FBXO33: variants seen among roughly 807,000 people sequenced by gnomAD.
FBXO33 encodes the protein F-box only protein 33.
Under a neutral mutation model 46.3 loss-of-function variants are expected in FBXO33, and 22 were observed. The observed-to-expected ratio is 0.48, with a 90% CI of 0.34 to 0.68. The LOEUF (loss-of-function observed/expected upper bound fraction) is 0.68. Ranked by LOEUF, FBXO33 falls within the 30% of genes least tolerant of loss-of-function variation. The pLI is 0.01. For missense variants in FBXO33, 692 were observed against 708.8 expected, an observed-to-expected ratio of 0.98 and a Z score of 0.27; for synonymous variants, 337 against 291.3, an observed-to-expected ratio of 1.16 and a Z score of -1.60.
At position 39,398,144 on chromosome 14, in the gene FBXO33, C is replaced by T. The variant is rs1436535994; in HGVS notation, c.*1372G>A. The T allele has an allele frequency of 1.3e-5, 2 of 152,692 alleles. No homozygotes were observed. Among genetic ancestry groups the T allele is most frequent in the Non-Finnish European group, 2.9e-5 (2 of 68,056 alleles). The allele number at this position is 152,692 out of a possible 1,614,324, so 9.5% of individuals were successfully genotyped here. ...AAAGCTTACAATAGAGCAGCCAGGT[C>T]TCAGCACTGCTGGGCACCCAGGTTG... On this transcript the variant is annotated 3_prime_UTR_variant, in exon 4 of 4. Coordinates refer to ENST00000298097, the MANE Select transcript of FBXO33 (RefSeq NM_203301.4).
chr14:39,415,271 C>T (rs886494340), intron 1 of FBXO33, among the ~76,000 whole-genome samples: 4 of 152,030 alleles, frequency 2.6e-5, no homozygotes, highest in Admixed American at 6.6e-5. Flanking sequence ...CACTCCACCC[C>T]GGGTGTCAGA....
intron 1 of FBXO33, among the ~76,000 whole-genome samples, chr14:39,426,954 A>C (rs1042507025): frequency 2.0e-5 from 3 of 152,216 alleles, no homozygotes; most frequent in Non-Finnish European, 4.4e-5. Context: ...CTCCGTGAGA[A>C]CGGGAAGCAT....
Position 39,397,899 on chromosome 14 carries a change from A to T in FBXO33, c.*1617T>A, listed in dbSNP as rs1156250578. On this transcript the variant is annotated 3_prime_UTR_variant, in exon 4 of 4. Coordinates refer to ENST00000298097, the MANE Select transcript of FBXO33 (RefSeq NM_203301.4). ...TATCTGATCACATTTATAAGATAAA[A>T]TCTCACCACATCTGGCATTTACACA... 2.6e-5 allele frequency: 4 copies of T among 152,542 alleles called. No homozygotes were observed. Among genetic ancestry groups the T allele is most frequent in the African/African-American group, 9.7e-5 (4 of 41,410 alleles). 9.4% of individuals were successfully genotyped at this position (152,542 alleles called of 1,614,324 possible).
intron 1 of FBXO33, among the ~76,000 whole-genome samples, chr14:39,421,693 T>G (rs1411656094): frequency 6.6e-6 from 1 of 152,060 alleles, no homozygotes; most frequent in African/African-American, 2.4e-5. Flanking sequence ...GCTGTACAAG[T>G]GCTTGGTGAT....
At chr14:39,411,426 T>C (rs967976075) in intron 1 of FBXO33, among the ~76,000 whole-genome samples, 1 of 152,080 alleles carries the variant, frequency 6.6e-6, no homozygotes, top group African/African-American at 2.4e-5. Context: ...CATTTTTTGC[T>C]ATAAATTTTC....
In FBXO33 at chr14:39,431,550, C is replaced by A; in HGVS notation, c.599+14G>T. 6.2e-7 allele frequency: 1 copy of A among 1,609,630 alleles called. No homozygotes were observed. The highest frequency in any genetic ancestry group is 1.1e-5 in the South Asian group (1 of 91,070). ...CCCCGTTACCGGGCGGGGCGGGGCT[C>A]AGGGCAAGCCTACCTGTTGTTCCGG... On this transcript the variant is annotated intron_variant, in intron 1 of 3. Transcript: ENST00000298097.
In FBXO33 at chr14:39,432,407, G is replaced by C. The variant is rs1595991598; in HGVS notation, c.-245C>G. On this transcript the variant is annotated 5_prime_UTR_variant, in exon 1 of 4. Coordinates refer to ENST00000298097, the MANE Select transcript of FBXO33 (RefSeq NM_203301.4). ...GTAAGGAAAAGGCAGCCCTCCCTGC[G>C]CCGGTCGGCAGAGACAGAGAAGTGG... is the stretch of plus-strand genomic sequence containing the variant. The C allele has an allele frequency of 8.1e-6, 2 of 245,780 alleles. No individual in the cohort carries two copies. Among genetic ancestry groups the C allele is most frequent in the Non-Finnish European group, 1.5e-5 (2 of 129,598 alleles). The allele number at this position is 245,780 out of a possible 1,614,324, so 15.2% of individuals were successfully genotyped here.
chr14:39,415,002 G>T (rs1231147023), intron 1 of FBXO33, among the ~76,000 whole-genome samples: 1 of 152,152 alleles, frequency 6.6e-6, no homozygotes, highest in Non-Finnish European at 1.5e-5. Context: ...GGCAAGAAAT[G>T]GGGGAAGGGC....
intron 1 of FBXO33, among the ~76,000 whole-genome samples, chr14:39,430,636 A>C (rs1390354226): frequency 6.6e-6 from 1 of 152,298 alleles, no homozygotes; most frequent in East Asian, 1.9e-4. Context: ...AAACTGCTGA[A>C]GTATTTTTAC....
At chr14:39,431,181 G>T (rs1029123432) in intron 1 of FBXO33, among the ~76,000 whole-genome samples, 1 of 152,070 alleles carries the variant, frequency 6.6e-6, no homozygotes, top group Admixed American at 6.5e-5. Flanking sequence ...TCAGAAAATC[G>T]TGTTATGTGT....
In FBXO33 at chr14:39,397,968, C is replaced by T. The variant is rs1017031617; in HGVS notation, c.*1548G>A. On this transcript the variant is annotated 3_prime_UTR_variant, in exon 4 of 4. Coordinates refer to ENST00000298097, the MANE Select transcript of FBXO33 (RefSeq NM_203301.4). ...ACACTACTGATGTACATATAAAATC[C>T]GCATGGTATGTGCTCACTGGAGACA... 26 of 152,552 alleles carry T rather than the reference C, an allele frequency of 1.7e-4. No individual in the cohort carries two copies. Among genetic ancestry groups the T allele is most frequent in the African/African-American group, 5.1e-4 (21 of 41,414 alleles). The allele number at this position is 152,552 out of a possible 1,614,324, so 9.4% of individuals were successfully genotyped here. A position where few individuals can be genotyped will look rare whatever the true frequency, so the allele number is the denominator to read the frequency against.
At chr14:39,423,343 C>G (rs1373711780) in intron 1 of FBXO33, among the ~76,000 whole-genome samples, 1 of 152,084 alleles carries the variant, frequency 6.6e-6, no homozygotes, top group Non-Finnish European at 1.5e-5. Flanking sequence ...AATGGACAAC[C>G]CGTTTTGAAA....
chr14:39,398,865 T>TA lies in FBXO33; in HGVS notation c.*650dup, dbSNP rs1243238769. 2 of 152,412 alleles carry TA rather than the reference T, an allele frequency of 1.3e-5. No homozygotes were observed. The highest frequency in any genetic ancestry group is 3.9e-4 in the East Asian group (2 of 5,194). The allele number at this position is 152,412 out of a possible 1,614,324, so 9.4% of individuals were successfully genotyped here. A position where few individuals can be genotyped will look rare whatever the true frequency, so the allele number is the denominator to read the frequency against. On this transcript the variant is annotated 3_prime_UTR_variant, in exon 4 of 4. Transcript: ENST00000298097. ...TGAATAAAATTATGTCAGATATAGT[T>TA]AAAAAATCCAACAATTTCAGTATTC...
intron 1 of FBXO33, among the ~76,000 whole-genome samples, chr14:39,405,522 A>T (rs565856276): frequency 6.6e-6 from 1 of 152,276 alleles, no homozygotes; most frequent in East Asian, 1.9e-4. Context: ...ATGGTGGTGA[A>T]GTAAACAATG....
intron 1 of FBXO33, among the ~76,000 whole-genome samples, chr14:39,415,401 G>A (rs7152341): frequency 0.27 from 40,391 of 152,072 alleles, 5,629 homozygotes; most frequent in East Asian, 0.51. Flanking sequence ...GCTTGATGCA[G>A]GGTTGCCACA....
chr14:39,427,001 T>C (rs932351439), intron 1 of FBXO33, among the ~76,000 whole-genome samples: 20 of 152,162 alleles, frequency 1.3e-4, no homozygotes, highest in African/African-American at 4.6e-4. Flanking sequence ...CTCTCAATAA[T>C]TGGAGGAAAA....
At position 39,402,394 on chromosome 14, in the gene FBXO33, AACTT is replaced by A; in HGVS notation, c.710+3_710+6del. On this transcript the variant is annotated splice_donor_5th_base_variant and intron_variant, in intron 2 of 3. Coordinates refer to ENST00000298097, the MANE Select transcript of FBXO33 (RefSeq NM_203301.4). ...ACAACCTCCTTTCCATTAACCATATAACTTACTGTTTAATTTTTTTGCCATCAGG... is the reference window on the plus strand; with the variant it reads ...ACAACCTCCTTTCCATTAACCATATAACTGTTTAATTTTTTTGCCATCAGG... The A allele has an allele frequency of 2.0e-6, 3 of 1,490,082 alleles. No homozygotes were observed. Among genetic ancestry groups the A allele is most frequent in the East Asian group, 2.4e-5 (1 of 42,238 alleles). 92.3% of individuals were successfully genotyped at this position (1,490,082 alleles called of 1,614,324 possible).
intron 1 of FBXO33, among the ~76,000 whole-genome samples, chr14:39,409,564 T>A (rs1173034736): frequency 6.6e-6 from 1 of 152,222 alleles, no homozygotes; most frequent in Non-Finnish European, 1.5e-5. Context: ...ATTCAGGGTC[T>A]TATGTTGTTC....
At chr14:39,431,523 C>G (rs368607185) in intron 1 of FBXO33, 41 bp downstream of exon 1, 2 of 1,604,160 alleles carry the variant, frequency 1.2e-6, no homozygotes, top group Admixed American at 1.7e-5. Flanking sequence ...GACGGAGCGA[C>G]CCCCCGTTAC....
Sources: allele counts gnomAD v4.1 joint callset (sites outside exome capture counted in the v4.1 genomes callset), GRCh38; gene constraint gnomAD v4.1.1; transcripts MANE v1.5; gene names NCBI Gene and HGNC (gene_info 2026-07-23, HGNC 2026-07-21).